Variants in FOXO1 observed in about 807,000 individuals in gnomAD.
FOXO1 encodes the protein forkhead box protein O1.
In FOXO1, 6 loss-of-function variants were observed where a neutral mutation model predicts 44.1. The observed-to-expected ratio is 0.14, with a 90% CI of 0.07 to 0.27. FOXO1 has a LOEUF of 0.27. Ranked by LOEUF, FOXO1 falls within the 10% of genes least tolerant of loss-of-function variation. The pLI, the probability that FOXO1 is intolerant of heterozygous loss-of-function variation, is 1.00. For synonymous variants in FOXO1, 380 were observed against 362.7 expected (o/e 1.05, Z -0.54); for missense variants, 737 against 888.8 (o/e 0.83, Z 2.17).
At position 40,556,380 on chromosome 13, in the gene FOXO1, G is replaced by A. The variant is rs927993267; in HGVS notation, c.*2669C>T. The A allele has an allele frequency of 6.6e-6, 1 of 152,516 alleles. No homozygotes were observed. Among genetic ancestry groups the A allele is most frequent in the Non-Finnish European group, 1.5e-5 (1 of 68,028 alleles). The allele number at this position is 152,516 out of a possible 1,614,324, so 9.4% of individuals were successfully genotyped here. A position where few individuals can be genotyped will look rare whatever the true frequency, so the allele number is the denominator to read the frequency against. On this transcript the variant is annotated 3_prime_UTR_variant, in exon 3 of 3. Coordinates refer to ENST00000379561, the MANE Select transcript of FOXO1 (RefSeq NM_002015.4). ...ATATATTCCATACGTCTATATTACGGAAACAATACATCTTTATATTTAAAA... is the reference window on the plus strand; with the variant it reads ...ATATATTCCATACGTCTATATTACGAAAACAATACATCTTTATATTTAAAA...
intron 1 of FOXO1, among the ~76,000 whole-genome samples, chr13:40,576,194 G>T (rs1874736245): frequency 1.3e-5 from 2 of 152,176 alleles, no homozygotes; most frequent in South Asian, 4.1e-4. Context: ...AAGAGAAGAG[G>T]TCAGTATGGC....
At chr13:40,655,404 G>A (rs1400206338) in intron 1 of FOXO1, among the ~76,000 whole-genome samples, 2 of 150,532 alleles carry the variant, frequency 1.3e-5, no homozygotes, top group African/African-American at 4.9e-5. Context: ...TTCCTAGTTG[G>A]TTTTGACTAG....
chr13:40,565,873 C>T (rs1478414173), intron 1 of FOXO1, among the ~76,000 whole-genome samples: 2 of 152,204 alleles, frequency 1.3e-5, no homozygotes, highest in African/African-American at 4.8e-5. Flanking sequence ...TATAACCACA[C>T]ACTGCACTGC....
chr13:40,583,795 A>G (rs888989430), intron 1 of FOXO1, among the ~76,000 whole-genome samples: 6 of 152,246 alleles, frequency 3.9e-5, no homozygotes, highest in African/African-American at 1.4e-4. Context: ...TTGCTTTCTT[A>G]TAATTTGTGT....
chr13:40,627,705 C>A (rs765616528), intron 1 of FOXO1, among the ~76,000 whole-genome samples: 1 of 151,798 alleles, frequency 6.6e-6, no homozygotes, highest in South Asian at 2.1e-4. Flanking sequence ...TGGTGGCAGG[C>A]GTCTGTAATC....
Position 40,560,550 on chromosome 13 carries a change from C to A in FOXO1, c.941G>T (p.Arg314Leu), listed in dbSNP as rs760747458. Reference sequence around the variant, plus strand: ...ACTAGCATTTGAGCTAGTTCGAGGGCGAAATGTACTCCAGTTATCAAAGTC... The same window carrying A: ...ACTAGCATTTGAGCTAGTTCGAGGGAGAAATGTACTCCAGTTATCAAAGTC... ...NDDFDNWSTF[R>L]PRTSSNASTI... Residue 314 changes from arginine (R) to leucine (L), a missense_variant, in exon 2 of 3, where the codon CGC (arginine) becomes CTC (leucine). Arg to Leu is a moderately radical substitution (Grantham distance 102). This residue lies in a region of FOXO1 where 136 missense variants were observed against 186.4 expected (regional missense o/e 0.73). Coordinates refer to ENST00000379561, the MANE Select transcript of FOXO1 (RefSeq NM_002015.4). The surrounding 1 kb of genome is among the most constrained non-coding windows in gnomAD (Gnocchi z 5.1). 1 of 1,614,108 alleles carries A rather than the reference C, an allele frequency of 6.2e-7. No homozygotes were observed. Among genetic ancestry groups the A allele is most frequent in the Admixed American group, 1.7e-5 (1 of 60,014 alleles).
intron 1 of FOXO1, among the ~76,000 whole-genome samples, chr13:40,617,899 G>C (rs1876481523): frequency 6.6e-6 from 1 of 152,168 alleles, no homozygotes; most frequent in African/African-American, 2.4e-5. Context: ...GGAAGGAAAA[G>C]CTCCAGAGTG....
chr13:40,618,661 A>G, intron 1 of FOXO1: 1 of 377,480 alleles, frequency 2.6e-6, no homozygotes, highest in Non-Finnish European at 5.1e-6. Context: ...AAAAAGGCAC[A>G]AACAATTGAA....
At chr13:40,644,571 T>C (rs1381713669) in intron 1 of FOXO1, among the ~76,000 whole-genome samples, 1 of 152,198 alleles carries the variant, frequency 6.6e-6, no homozygotes, top group Non-Finnish European at 1.5e-5. Context: ...AGGTCACACA[T>C]ACAATGATGG....
At chr13:40,660,096 G>A (rs894876639) in intron 1 of FOXO1, among the ~76,000 whole-genome samples, 2 of 152,122 alleles carry the variant, frequency 1.3e-5, no homozygotes, top group African/African-American at 4.8e-5. Flanking sequence ...TCACAGCTGA[G>A]GAACACCACC....
chr13:40,604,695 C>G (rs1420397963), intron 1 of FOXO1, among the ~76,000 whole-genome samples: 1 of 152,102 alleles, frequency 6.6e-6, no homozygotes, highest in African/African-American at 2.4e-5. Flanking sequence ...AACCAGACAA[C>G]TCTATATTTT....
intron 1 of FOXO1, among the ~76,000 whole-genome samples, chr13:40,612,863 C>T (rs1876282670): frequency 6.6e-6 from 1 of 152,156 alleles, no homozygotes; most frequent in South Asian, 2.1e-4. Context: ...GGGTCTGATA[C>T]TATCCAGTTT....
chr13:40,633,215 A>G (rs1016119613), intron 1 of FOXO1, among the ~76,000 whole-genome samples: 8 of 152,262 alleles, frequency 5.3e-5, no homozygotes, highest in Non-Finnish European at 1.2e-4. Flanking sequence ...AAAAGGTCGA[A>G]CAAACAGTTC....
At chr13:40,619,334 G>T in intron 1 of FOXO1, 1 of 546,466 alleles carries the variant, frequency 1.8e-6, no homozygotes, top group East Asian at 3.7e-5. Flanking sequence ...ACAAATTACA[G>T]AGACTCAGAA....
chr13:40,652,824 C>T (rs770937923), intron 1 of FOXO1, among the ~76,000 whole-genome samples: 9 of 152,088 alleles, frequency 5.9e-5, no homozygotes, highest in Admixed American at 3.9e-4. Flanking sequence ...AAGTATTTGA[C>T]GTTTACTTGT....
At chr13:40,579,699 A>G (rs1403976125) in intron 1 of FOXO1, among the ~76,000 whole-genome samples, 2 of 152,192 alleles carry the variant, frequency 1.3e-5, no homozygotes, top group Non-Finnish European at 2.9e-5. Flanking sequence ...ACTCCTCCTC[A>G]TGCTGTTAGG....
At chr13:40,594,324 G>C (rs938131699) in intron 1 of FOXO1, among the ~76,000 whole-genome samples, 1 of 152,138 alleles carries the variant, frequency 6.6e-6, no homozygotes, top group Non-Finnish European at 1.5e-5. Context: ...GAACTGAAGA[G>C]CAGGAAGGAG....
chr13:40,654,322 TAAAAAAAAAAAAAAAAAAA>T (rs11344939), intron 1 of FOXO1, among the ~76,000 whole-genome samples: 1 of 48,198 alleles, frequency 2.1e-5, no homozygotes, highest in South Asian at 1.0e-3. Flanking sequence ...CTAAAAATAC[TAAAAAAAAAAAAAAAAAAA>T]AAAAAAAAAA....
chr13:40,653,424 G>C (rs924827279), intron 1 of FOXO1, among the ~76,000 whole-genome samples: 1 of 152,072 alleles, frequency 6.6e-6, no homozygotes, highest in Non-Finnish European at 1.5e-5. Context: ...TTCTGAGCCT[G>C]GTACCCGCAG....
Sources: allele counts gnomAD v4.1 joint callset (sites outside exome capture counted in the v4.1 genomes callset), GRCh38; gene constraint gnomAD v4.1.1; regional missense constraint gnomAD v4.1.1; non-coding constraint Gnocchi (gnomAD v3.1); transcripts MANE v1.5; gene names NCBI Gene and HGNC (gene_info 2026-07-23, HGNC 2026-07-21).